Variants in PSAT1 observed in about 807,000 individuals in gnomAD.
PSAT1 encodes phosphoserine aminotransferase.
A neutral mutation model predicts 40.3 loss-of-function variants in PSAT1; 41 were observed. The observed-to-expected ratio is 1.02, with a 90% CI of 0.79 to 1.32. The LOEUF (loss-of-function observed/expected upper bound fraction) is 1.32. PSAT1 is among the 40% of genes most tolerant of loss of function. The probability of loss-of-function intolerance (pLI) is 0.00; values close to 1 mark genes in which losing one functional copy is unlikely to be tolerated. For synonymous variants in PSAT1, 147 were observed against 170.5 expected (o/e 0.86, Z 1.07); for missense variants, 406 against 455.8 (o/e 0.89, Z 0.99).
intron 7 of PSAT1, among the ~76,000 whole-genome samples, chr9:78,324,698 G>A (rs1390907146): frequency 6.6e-6 from 1 of 152,032 alleles, no homozygotes; most frequent in Non-Finnish European, 1.5e-5. Flanking sequence ...CATAATCCAT[G>A]TGCCTGTGAA....
At chr9:78,299,664 C>G (rs966878397) in intron 1 of PSAT1, among the ~76,000 whole-genome samples, 1 of 151,896 alleles carries the variant, frequency 6.6e-6, no homozygotes, top group Non-Finnish European at 1.5e-5. Flanking sequence ...AGGCACCCAC[C>G]ACCAAGCCCA....
rs916440011 is a variant in PSAT1, at chr9:78,320,785, G to A, written c.869+2981G>A. 3.9e-5 allele frequency among the ~76,000 whole-genome samples: 6 copies of A among 152,198 alleles called. No homozygotes were observed. In the East Asian group the frequency reaches 1.2e-3, roughly 29 times the overall value. On this transcript the variant is annotated intron_variant, in intron 7 of 8. Transcript: ENST00000376588. Reference sequence around the variant, plus strand: ...CCGAGAAGAATAAATCATCTTCCCTGGCTCCCTAAAAAGTGCTGAGAACCT... The same window carrying A: ...CCGAGAAGAATAAATCATCTTCCCTAGCTCCCTAAAAAGTGCTGAGAACCT...
chr9:78,299,670 G>A (rs774199959), intron 1 of PSAT1, among the ~76,000 whole-genome samples: 1 of 151,796 alleles, frequency 6.6e-6, no homozygotes, highest in Non-Finnish European at 1.5e-5. Context: ...CCACCACCAA[G>A]CCCAGCTAAT....
chr9:78,308,337 G>A (rs1310643885), intron 5 of PSAT1, 77 bp from the exon 6 acceptor site: 2 of 1,521,216 alleles, frequency 1.3e-6, no homozygotes, highest in African/African-American at 2.7e-5. Context: ...TGTGCTTCGG[G>A]AAGAGTTGGG....
chr9:78,297,366 TCCCTG>T, intron 1 of PSAT1, 96 bp downstream of exon 1: 2 of 1,410,244 alleles, frequency 1.4e-6, no homozygotes, highest in Non-Finnish European at 1.9e-6. Context: ...GGATTCCCGC[TCCCTG>T]CCTTGAGTCC....
At chr9:78,328,937 T>G in intron 8 of PSAT1, 44 bp from the exon 9 acceptor site, 1 of 1,490,538 alleles carries the variant, frequency 6.7e-7, no homozygotes, top group Non-Finnish European at 9.4e-7. Flanking sequence ...TGATGCGAAA[T>G]TAGACGTTTT....
chr9:78,301,083 C>T (rs1299570095), intron 2 of PSAT1, among the ~76,000 whole-genome samples: 1 of 152,022 alleles, frequency 6.6e-6, no homozygotes, highest in East Asian at 1.9e-4. Flanking sequence ...ATTACAGGGC[C>T]TATAGGGTCT....
At chr9:78,317,328 C>T (rs1423681197) in intron 6 of PSAT1, among the ~76,000 whole-genome samples, 1 of 152,160 alleles carries the variant, frequency 6.6e-6, no homozygotes, top group Admixed American at 6.5e-5. Context: ...TCATAGCTCA[C>T]TGCAGCCTCG....
At chr9:78,299,223 C>A (rs1476997629) in intron 1 of PSAT1, among the ~76,000 whole-genome samples, 2 of 95,434 alleles carry the variant, frequency 2.1e-5, no homozygotes, top group Admixed American at 1.0e-4. Flanking sequence ...AAAAAAAAAA[C>A]CTACTGGATT....
In PSAT1 at chr9:78,309,980, G is replaced by T. The variant is rs1047553663; in HGVS notation, c.740+1397G>T. Among the ~76,000 whole-genome samples the T allele has an allele frequency of 5.3e-5, 8 of 152,110 alleles. 1 individual carries two copies. Among genetic ancestry groups the T allele is most frequent in the African/African-American group, 1.7e-4 (7 of 41,400 alleles). ...GATTAACATACATATAAATAAATCT[G>T]TGTATATATATAAAAATTTTAAATT... On this transcript the variant is annotated intron_variant, in intron 6 of 8. Transcript: ENST00000376588.
chr9:78,301,278 G>A (rs4877548), intron 2 of PSAT1, among the ~76,000 whole-genome samples: 50,606 of 152,028 alleles, frequency 0.33, 8,771 homozygotes, highest in Middle Eastern at 0.43. Context: ...TTGCATAACA[G>A]TGCCTCCAAA....
chr9:78,304,178 G>A (rs895269237), intron 3 of PSAT1, among the ~76,000 whole-genome samples: 5 of 152,190 alleles, frequency 3.3e-5, no homozygotes, highest in Non-Finnish European at 5.9e-5. Flanking sequence ...ATAAATGCAG[G>A]AGAATTTAGG....
rs1057515674 is a variant in PSAT1 at position 78,329,875 on chromosome 9, A to G, written c.*789A>G. The G allele has an allele frequency of 5.3e-5, 8 of 152,174 alleles. No individual in the cohort carries two copies. The allele number at this position is 152,174 out of a possible 1,614,324, so 9.4% of individuals were successfully genotyped here. A position where few individuals can be genotyped will look rare whatever the true frequency, so the allele number is the denominator to read the frequency against. On this transcript the variant is annotated 3_prime_UTR_variant, in exon 9 of 9. Coordinates refer to ENST00000376588, the MANE Select transcript of PSAT1 (RefSeq NM_058179.4). ...TTGATTCATTTTTACCATTCTTTCC[A>G]TAGGTAGAAGAGAAAGTTGATTGGT...
At chr9:78,312,404 A>C (rs979445896) in intron 6 of PSAT1, among the ~76,000 whole-genome samples, 1 of 152,180 alleles carries the variant, frequency 6.6e-6, no homozygotes, top group Non-Finnish European at 1.5e-5. Context: ...CTGTTAAAAG[A>C]ATGAGAACAG....
chr9:78,317,147 A>G (rs1828356750), intron 6 of PSAT1, among the ~76,000 whole-genome samples: 1 of 152,024 alleles, frequency 6.6e-6, no homozygotes, highest in Non-Finnish European at 1.5e-5. Flanking sequence ...ATCTGATTAA[A>G]CCTTTTTCTG....
chr9:78,297,911 T>C (rs1033722765), intron 1 of PSAT1, among the ~76,000 whole-genome samples: 4 of 152,106 alleles, frequency 2.6e-5, no homozygotes, highest in Non-Finnish European at 5.9e-5. Context: ...AGTCCAGCTT[T>C]CCCCTCCTTG....
At chr9:78,322,396 C>G (rs1470535992) in intron 7 of PSAT1, among the ~76,000 whole-genome samples, 2 of 152,122 alleles carry the variant, frequency 1.3e-5, no homozygotes, top group African/African-American at 4.8e-5. Flanking sequence ...ACAGATAGGA[C>G]AAGGATGCAG....
At chr9:78,307,604 C>T (rs1426277687) in intron 5 of PSAT1, among the ~76,000 whole-genome samples, 1 of 152,220 alleles carries the variant, frequency 6.6e-6, no homozygotes, top group African/African-American at 2.4e-5. Flanking sequence ...TCTTGCACAA[C>T]AGAATTACCT....
chr9:78,322,641 A>G (rs1284934084), intron 7 of PSAT1, among the ~76,000 whole-genome samples: 1 of 152,204 alleles, frequency 6.6e-6, no homozygotes, highest in African/African-American at 2.4e-5. Context: ...ATTAAACATA[A>G]AGGTTACTAT....
Sources: allele counts gnomAD v4.1 joint callset (sites outside exome capture counted in the v4.1 genomes callset), GRCh38; gene constraint gnomAD v4.1.1; transcripts MANE v1.5; gene names NCBI Gene and HGNC (gene_info 2026-07-23, HGNC 2026-07-21).